Variants in GRAMD2B observed in about 807,000 individuals in gnomAD.
The protein encoded by GRAMD2B is GRAM domain-containing protein 2B.
A neutral mutation model predicts 59.2 loss-of-function variants in GRAMD2B; 41 were observed. The ratio of observed to expected loss-of-function variants is 0.69; its 90% CI spans 0.54 to 0.90. The LOEUF is 0.90. Ranked by LOEUF, GRAMD2B falls within the 40% of genes least tolerant of loss-of-function variation. The pLI, the probability that GRAMD2B is intolerant of heterozygous loss-of-function variation, is 0.00. For synonymous variants in GRAMD2B, 161 were observed against 182.7 expected (o/e 0.88, Z 0.96); for missense variants, 424 against 500.5 (o/e 0.85, Z 1.46).
intron 1 of GRAMD2B, among the ~76,000 whole-genome samples, chr5:126,394,646 G>C (rs899404279): frequency 6.6e-6 from 1 of 151,962 alleles, no homozygotes; most frequent in Non-Finnish European, 1.5e-5. Context: ...CTTTACTCTG[G>C]AGACGGGACA....
intron 1 of GRAMD2B, among the ~76,000 whole-genome samples, chr5:126,401,539 C>G (rs1474498106): frequency 6.6e-6 from 1 of 151,862 alleles, no homozygotes; most frequent in Non-Finnish European, 1.5e-5. Context: ...TCTTTCATTG[C>G]TATCTTCACA....
At chr5:126,421,639 C>T (rs181556673), upstream of GRAMD2B, among the ~76,000 whole-genome samples, 2 of 152,270 alleles carry the variant, frequency 1.3e-5, no homozygotes, top group African/African-American at 4.8e-5. Context: ...ACTTATTTTT[C>T]AAATGTCACA....
intron 1 of GRAMD2B, among the ~76,000 whole-genome samples, chr5:126,457,206 A>G (rs1388039574): frequency 6.6e-6 from 1 of 150,884 alleles, no homozygotes; most frequent in Admixed American, 6.6e-5. Context: ...AAAAAAAAAA[A>G]AAAAAAAAAA....
At chr5:126,409,796 T>G (rs1758608301) in intron 1 of GRAMD2B, among the ~76,000 whole-genome samples, 1 of 152,200 alleles carries the variant, frequency 6.6e-6, no homozygotes, top group South Asian at 2.1e-4. Flanking sequence ...TGCCTAGGTT[T>G]TCTTCTAGAG....
chr5:126,436,601 C>G (rs80053924), intron 1 of GRAMD2B, among the ~76,000 whole-genome samples: 4,541 of 152,178 alleles, frequency 0.03, 260 homozygotes, highest in African/African-American at 0.1. Flanking sequence ...GTTGTGAGCT[C>G]TTATCATGCC....
chr5:126,484,678 G>A (rs985324604), intron 10 of GRAMD2B, among the ~76,000 whole-genome samples, 154 bp downstream of exon 10: 1 of 152,044 alleles, frequency 6.6e-6, no homozygotes, highest in South Asian at 2.1e-4. Flanking sequence ...CTGCCTCTTG[G>A]ATTCAAGCGA....
Position 126,480,516 on chromosome 5 carries a change from G to A in GRAMD2B, c.643G>A (p.Gly215Arg), listed in dbSNP as rs1320419258. Residue 215 changes from glycine to arginine, a missense_variant, in exon 7 of 14, where the codon GGA becomes AGA. Gly to Arg is a moderately radical substitution (Grantham distance 125). Coordinates refer to ENST00000285689, the MANE Select transcript of GRAMD2B (RefSeq NM_023927.4). Reference sequence around the variant, plus strand: ...TTACAAACTACTAAAATCTGTGTGTGGACACTTAGAAGTGAGTATGATGTC... The same window carrying A: ...TTACAAACTACTAAAATCTGTGTGTAGACACTTAGAAGTGAGTATGATGTC... ...STYKLLKSVC[G>R]HLENTSVGNS... 2 of 1,612,788 alleles carry A rather than the reference G, an allele frequency of 1.2e-6. No individual in the cohort carries two copies. The highest frequency in any genetic ancestry group is 2.2e-5 in the East Asian group (1 of 44,862).
Position 126,398,860 on chromosome 5 carries a change from G to A in GRAMD2B, c.125+27293G>A, listed in dbSNP as rs190313945. Among the ~76,000 whole-genome samples, 3 of 152,208 alleles carry A rather than the reference G, an allele frequency of 2.0e-5. No homozygotes were observed. The East Asian group carries it at 5.8e-4, about 29-fold the overall frequency. On this transcript the variant is annotated intron_variant, in intron 1 of 8. Transcript: ENST00000506445. ...CTTTTGAGTTTCTTTTACACCCAAT[G>A]ATTATTTAGGAGTGTGTACTTTAAT... is the stretch of plus-strand genomic sequence containing the variant.
intron 1 of GRAMD2B, among the ~76,000 whole-genome samples, chr5:126,427,128 G>C (rs1416788894): frequency 2.0e-5 from 3 of 152,030 alleles, no homozygotes; most frequent in Non-Finnish European, 4.4e-5. Context: ...TTGTTTGTTT[G>C]TTATTTAAGT....
intron 1 of GRAMD2B, among the ~76,000 whole-genome samples, chr5:126,445,802 T>A (rs1348007425): frequency 6.6e-6 from 1 of 152,176 alleles, no homozygotes; most frequent in Non-Finnish European, 1.5e-5. Context: ...ATTGGGAATC[T>A]CTCTTCTTCA....
chr5:126,473,714 G>A (rs1770054149), intron 5 of GRAMD2B, among the ~76,000 whole-genome samples: 6 of 152,128 alleles, frequency 3.9e-5, no homozygotes, highest in Admixed American at 3.9e-4. Context: ...GATTTTCAAA[G>A]ACATACATTT....
intron 1 of GRAMD2B, among the ~76,000 whole-genome samples, chr5:126,440,932 A>G (rs992901756): frequency 6.6e-6 from 1 of 152,198 alleles, no homozygotes; most frequent in African/African-American, 2.4e-5. Context: ...TGCATAAAAC[A>G]TGTATAAAAT....
intron 11 of GRAMD2B, 116 bp downstream of exon 11, chr5:126,485,889 C>T (rs1772818395): frequency 3.2e-6 from 2 of 630,146 alleles, no homozygotes; most frequent in Non-Finnish European, 5.2e-6. Flanking sequence ...ATGTGACCTA[C>T]ATCTTTACTT....
chr5:126,458,126 T>A (rs1472541053), intron 1 of GRAMD2B, among the ~76,000 whole-genome samples: 1 of 152,192 alleles, frequency 6.6e-6, no homozygotes, highest in Non-Finnish European at 1.5e-5. Flanking sequence ...CCTTGGTTGT[T>A]ATTTCATATT....
chr5:126,468,632 C>T (rs746905183), intron 2 of GRAMD2B, among the ~76,000 whole-genome samples: 14 of 152,032 alleles, frequency 9.2e-5, no homozygotes, highest in Non-Finnish European at 1.6e-4. Context: ...GGACTACAGG[C>T]GCCCACCATC....
At chr5:126,376,390 T>C (rs1434016576) in intron 1 of GRAMD2B, among the ~76,000 whole-genome samples, 1 of 152,240 alleles carries the variant, frequency 6.6e-6, no homozygotes, top group East Asian at 1.9e-4. Flanking sequence ...GTCACACTCA[T>C]TATGCCTCCA....
intron 5 of GRAMD2B, among the ~76,000 whole-genome samples, chr5:126,477,118 CCA>C (rs1185518676): frequency 6.6e-6 from 1 of 152,152 alleles, no homozygotes; most frequent in African/African-American, 2.4e-5. Flanking sequence ...CTGAAATGCT[CCA>C]ATGAGCATTT....
At chr5:126,485,056 C>A (rs1387385064) in intron 10 of GRAMD2B, among the ~76,000 whole-genome samples, 3 of 152,146 alleles carry the variant, frequency 2.0e-5, no homozygotes, top group African/African-American at 7.2e-5. Flanking sequence ...CTTCATGATT[C>A]TGAATACATG....
intron 1 of GRAMD2B, among the ~76,000 whole-genome samples, chr5:126,439,830 C>G (rs1398944924): frequency 6.6e-6 from 1 of 152,070 alleles, no homozygotes; most frequent in Non-Finnish European, 1.5e-5. Context: ...ATCATGGGAG[C>G]AGGTTTTTCC....
Sources: gnomAD v4.1 joint callset for allele counts (sites outside exome capture counted in the v4.1 genomes callset) on GRCh38, gnomAD v4.1.1 for gene constraint, MANE v1.5 for transcripts, NCBI Gene and HGNC (gene_info 2026-07-23, HGNC 2026-07-21) for gene names.